DLGAP1: variants seen among roughly 807,000 people sequenced by gnomAD.
DLGAP1 encodes disks large-associated protein 1.
DLGAP1 carries 11 observed loss-of-function variants against 90.8 expected under a neutral mutation model. The observed-to-expected ratio is 0.12, with a 90% confidence interval of 0.08 to 0.20. The LOEUF (loss-of-function observed/expected upper bound fraction) is 0.20, where lower values mean the gene tolerates loss of function less well. Ranked by LOEUF, DLGAP1 falls within the 10% of genes least tolerant of loss-of-function variation. DLGAP1 has a pLI of 1.00. For missense variants in DLGAP1, 1,050 were observed against 1,333.8 expected, an observed-to-expected ratio of 0.79 and a Z score of 3.31; for synonymous variants, 558 against 540.7, an observed-to-expected ratio of 1.03 and a Z score of -0.44.
intron 2 of DLGAP1, among the ~76,000 whole-genome samples, chr18:4,046,994 A>AT (rs2075064789): frequency 6.6e-6 from 1 of 152,236 alleles, no homozygotes; most frequent in African/African-American, 2.4e-5. Context: ...TTGCCTCCAC[A>AT]TCCTGGAACT....
chr18:4,235,036 T>C (rs2078378325), intron 1 of DLGAP1, among the ~76,000 whole-genome samples: 1 of 152,140 alleles, frequency 6.6e-6, no homozygotes, highest in South Asian at 2.1e-4. Context: ...TTTGTGAAGC[T>C]TCCTGACTTC....
At chr18:4,172,232 C>T (rs2077037821) in intron 1 of DLGAP1, among the ~76,000 whole-genome samples, 1 of 152,222 alleles carries the variant, frequency 6.6e-6, no homozygotes, top group Non-Finnish European at 1.5e-5. Context: ...GGAGAATGAA[C>T]CATAAATAGA....
chr18:3,728,052 T>G (rs2062251106), intron 7 of DLGAP1: 1 of 152,170 alleles, frequency 6.6e-6, no homozygotes, highest in African/African-American at 2.4e-5. Flanking sequence ...TTTGAGGACC[T>G]TTAAACTCTT....
At chr18:4,419,268 C>T (rs1175246726) in intron 1 of DLGAP1, among the ~76,000 whole-genome samples, 5 of 152,116 alleles carry the variant, frequency 3.3e-5, no homozygotes, top group Non-Finnish European at 5.9e-5. Flanking sequence ...CCCCATGATG[C>T]AATCATCTCC....
At chr18:3,960,263 G>A (rs1004662282) in intron 3 of DLGAP1, among the ~76,000 whole-genome samples, 1 of 152,168 alleles carries the variant, frequency 6.6e-6, no homozygotes, top group Non-Finnish European at 1.5e-5. Context: ...CACCTTAGGT[G>A]CCTTTTCCTA....
chr18:3,729,142 G>A lies in DLGAP1; in HGVS notation c.1584C>T (p.Ser528=), dbSNP rs1238115736. Residue 528 remains serine (S), a synonymous_variant, in exon 7 of 13, where the codon AGC becomes AGT. Coordinates refer to ENST00000315677, the MANE Select transcript of DLGAP1 (RefSeq NM_004746.4). The surrounding 1 kb of genome is among the most constrained non-coding windows in gnomAD (Gnocchi z 6.2). ...RTTTTVRTIQ[S]STVSSCITTY... is the part of the protein sequence containing the mutation. ...GAGGGCCCGCGCACTCACCCGTGCTGCTCTGGATGGTCCTAACGGTGGTGG... is the reference window on the plus strand; with the variant it reads ...GAGGGCCCGCGCACTCACCCGTGCTACTCTGGATGGTCCTAACGGTGGTGG... 1.2e-6 allele frequency: 2 copies of A among 1,610,934 alleles called. No individual in the cohort carries two copies. Among genetic ancestry groups the A allele is most frequent in the Non-Finnish European group, 1.7e-6 (2 of 1,179,014 alleles).
intron 3 of DLGAP1, among the ~76,000 whole-genome samples, chr18:3,966,441 C>A (rs571053359): frequency 6.6e-6 from 1 of 152,126 alleles, no homozygotes; most frequent in Admixed American, 6.5e-5. Context: ...GGAGAATGAA[C>A]CATTGGAGGT....
At chr18:3,972,516 C>T (rs866663498) in intron 3 of DLGAP1, among the ~76,000 whole-genome samples, 14 of 151,912 alleles carry the variant, frequency 9.2e-5, no homozygotes, top group South Asian at 2.1e-4. Context: ...CACTCTCTCT[C>T]TCTCTCTTTC....
intron 2 of DLGAP1, among the ~76,000 whole-genome samples, chr18:4,142,743 C>T (rs75892562): frequency 0.21 from 31,287 of 152,006 alleles, 3,442 homozygotes; most frequent in Middle Eastern, 0.28. Flanking sequence ...GAATGCTCTC[C>T]AGGTATTGGT....
chr18:4,410,264 A>T (rs1716599931), intron 1 of DLGAP1, among the ~76,000 whole-genome samples: 1 of 152,230 alleles, frequency 6.6e-6, no homozygotes, highest in African/African-American at 2.4e-5. Flanking sequence ...GAACTCACTC[A>T]TGTAACCAAG....
intron 1 of DLGAP1, among the ~76,000 whole-genome samples, chr18:4,269,389 T>C (rs1426907910): frequency 6.7e-6 from 1 of 149,632 alleles, no homozygotes; most frequent in East Asian, 2.0e-4. Context: ...AGTCTTGCTC[T>C]GTCGCCCAGG....
chr18:4,160,227 TG>T (rs1327232408), intron 1 of DLGAP1, among the ~76,000 whole-genome samples: 4 of 152,222 alleles, frequency 2.6e-5, no homozygotes, highest in Non-Finnish European at 5.9e-5. Context: ...TGATATTTGT[TG>T]TCAATCACTT....
At chr18:4,160,195 C>A (rs1021479703) in intron 1 of DLGAP1, among the ~76,000 whole-genome samples, 1 of 152,230 alleles carries the variant, frequency 6.6e-6, no homozygotes, top group African/African-American at 2.4e-5. Context: ...ATCAAACAAG[C>A]ATTGGGATAA....
At chr18:3,521,800 A>G (rs1441476038) in intron 10 of DLGAP1, among the ~76,000 whole-genome samples, 1 of 152,224 alleles carries the variant, frequency 6.6e-6, no homozygotes, top group Non-Finnish European at 1.5e-5. Flanking sequence ...CTGAAGGAAT[A>G]TGCTTTGAAA....
At chr18:4,110,636 TG>T (rs1374237963) in intron 2 of DLGAP1, among the ~76,000 whole-genome samples, 4 of 152,216 alleles carry the variant, frequency 2.6e-5, no homozygotes, top group African/African-American at 9.6e-5. Flanking sequence ...GTTAGGTTTC[TG>T]GGTTCCCTGT....
intron 5 of DLGAP1, among the ~76,000 whole-genome samples, chr18:3,809,506 A>G (rs2066725815): frequency 6.6e-6 from 1 of 152,206 alleles, no homozygotes; most frequent in Non-Finnish European, 1.5e-5. Context: ...ACTGAAAATA[A>G]ATCTTCCTGA....
intron 2 of DLGAP1, among the ~76,000 whole-genome samples, chr18:4,106,742 G>T (rs1247492163): frequency 6.6e-6 from 1 of 152,150 alleles, no homozygotes; most frequent in African/African-American, 2.4e-5. Flanking sequence ...TAGCATTTTT[G>T]AAGGAGGACT....
intron 1 of DLGAP1, among the ~76,000 whole-genome samples, chr18:4,298,967 G>C (rs2080055135): frequency 6.6e-6 from 1 of 151,494 alleles, no homozygotes; most frequent in Non-Finnish European, 1.5e-5. Flanking sequence ...TGTAGTCCCA[G>C]CTACTCAGGA....
intron 1 of DLGAP1, among the ~76,000 whole-genome samples, chr18:4,381,973 A>G (rs541219867): frequency 2.0e-5 from 3 of 152,128 alleles, no homozygotes; most frequent in Non-Finnish European, 4.4e-5. Flanking sequence ...AAGTGAAAGG[A>G]GAAACTTCTT....
Sources: gnomAD v4.1 joint callset for allele counts (sites outside exome capture counted in the v4.1 genomes callset) on GRCh38, gnomAD v4.1.1 for gene constraint, Gnocchi (gnomAD v3.1) non-coding constraint, MANE v1.5 for transcripts, NCBI Gene and HGNC (gene_info 2026-07-23, HGNC 2026-07-21) for gene names.